Variants in FBXW10 observed in about 807,000 individuals in gnomAD.
The protein encoded by FBXW10 is F-box/WD repeat-containing protein 10.
In FBXW10, 68 loss-of-function variants were observed where a neutral mutation model predicts 113.1. That is an observed-to-expected ratio of 0.60 (90% CI 0.49 to 0.74). The LOEUF (loss-of-function observed/expected upper bound fraction) is 0.74. Ranked by LOEUF, FBXW10 falls within the 30% of genes least tolerant of loss-of-function variation. FBXW10 has a pLI of 0.00. For synonymous variants in FBXW10, 289 were observed against 481.6 expected, an observed-to-expected ratio of 0.60 and a Z score of 5.24; for missense variants, 753 against 1,284.5, an observed-to-expected ratio of 0.59 and a Z score of 6.32.
chr17:18,761,219 G>A (rs1351988624), intron 7 of FBXW10, among the ~76,000 whole-genome samples: 2 of 151,518 alleles, frequency 1.3e-5, no homozygotes, highest in Non-Finnish European at 2.9e-5. Flanking sequence ...TATGCATTTG[G>A]AGAATGTTTT....
intron 7 of FBXW10, among the ~76,000 whole-genome samples, chr17:18,759,906 C>T (rs1166210420): frequency 3.3e-5 from 5 of 152,186 alleles, no homozygotes; most frequent in South Asian, 2.1e-4. Flanking sequence ...TGAGCCACCG[C>T]GCCGGGCCCT....
intron 7 of FBXW10, among the ~76,000 whole-genome samples, chr17:18,759,988 G>A (rs2151808877): frequency 6.6e-6 from 1 of 152,296 alleles, no homozygotes; most frequent in East Asian, 1.9e-4. Flanking sequence ...TGGTGCCCAT[G>A]TGCACGAGTT....
rs765610933 is a variant in FBXW10, at chr17:18,749,807, C to T, written c.756C>T (p.Tyr252=). The part of the protein sequence containing the change: ...SGKGDITKPG[Y]DPCNLLVDLD... ...AAGGAGACATAACCAAGCCAGGGTA[C>T]GATCCCTGCAATCTATTGGTTGACC... Residue 252 remains tyrosine, a synonymous_variant, in exon 3 of 14, where the codon TAC becomes TAT. Coordinates refer to ENST00000395665, the MANE Select transcript of FBXW10 (RefSeq NM_001267585.2). The T allele has an allele frequency of 4.3e-6, 7 of 1,614,068 alleles. No homozygotes were observed. The Admixed American group carries it at 8.3e-5, about 19-fold the overall frequency.
At chr17:18,754,901 G>A (rs1035310473) in intron 5 of FBXW10, among the ~76,000 whole-genome samples, 1 of 152,180 alleles carries the variant, frequency 6.6e-6, no homozygotes, top group African/African-American at 2.4e-5. Context: ...CATTTTGTGG[G>A]GCAAGGGATC....
chr17:18,755,937 G>A (rs2035252169), intron 5 of FBXW10, 108 bp from the exon 6 acceptor site: 1 of 1,063,680 alleles, frequency 9.4e-7, no homozygotes, highest in African/African-American at 1.6e-5. Context: ...AGCCTTCAGA[G>A]GAAGAATCCG....
intron 1 of FBXW10, 57 bp from the exon 2 acceptor site, chr17:18,747,884 A>C: frequency 6.2e-7 from 1 of 1,612,372 alleles, no homozygotes; most frequent in Non-Finnish European, 8.5e-7. Context: ...TCTCCACCTC[A>C]TTTTCCTCAA....
At chr17:18,752,207 G>C (rs181176474) in intron 5 of FBXW10, among the ~76,000 whole-genome samples, 68 of 152,232 alleles carry the variant, frequency 4.5e-4, no homozygotes, top group Non-Finnish European at 2.4e-4. Context: ...CGGTGTGGCT[G>C]TCATGGACTG....
intron 11 of FBXW10, among the ~76,000 whole-genome samples, chr17:18,771,872 G>GCC: frequency 6.6e-6 from 1 of 152,138 alleles, no homozygotes; most frequent in South Asian, 2.1e-4. Flanking sequence ...ACTTTGGGAG[G>GCC]CCCAGGTGGG....
At chr17:18,757,171 A>G (rs1041686916) in intron 6 of FBXW10, among the ~76,000 whole-genome samples, 1 of 152,194 alleles carries the variant, frequency 6.6e-6, no homozygotes, top group Non-Finnish European at 1.5e-5. Flanking sequence ...TTAAAGAACA[A>G]TTATCACCAT....
intron 7 of FBXW10, 58 bp from the exon 8 acceptor site, chr17:18,764,684 C>T (rs1476394177): frequency 2.2e-5 from 36 of 1,613,192 alleles, no homozygotes; most frequent in Non-Finnish European, 2.9e-5. Flanking sequence ...GGGTTCTACG[C>T]AGTATGATCC....
At chr17:18,752,394 G>C (rs1286332214) in intron 5 of FBXW10, among the ~76,000 whole-genome samples, 1 of 152,140 alleles carries the variant, frequency 6.6e-6, no homozygotes, top group African/African-American at 2.4e-5. Flanking sequence ...TTTAAAAGCA[G>C]TTTTAAAAAC....
chr17:18,750,831 T>C, intron 4 of FBXW10, 100 bp from the exon 5 acceptor site: 1 of 1,389,538 alleles, frequency 7.2e-7, no homozygotes, highest in Non-Finnish European at 9.6e-7. Context: ...TCCTTCACAT[T>C]TTGCCAAGAA....
At chr17:18,764,951 A>C in intron 8 of FBXW10, 88 bp downstream of exon 8, 2 of 1,612,002 alleles carry the variant, frequency 1.2e-6, no homozygotes, top group Non-Finnish European at 1.7e-6. Flanking sequence ...TTCTATAGGC[A>C]GGCAGTCATT....
chr17:18,776,781 T>C (rs1317936468), intron 13 of FBXW10, among the ~76,000 whole-genome samples: 1 of 152,224 alleles, frequency 6.6e-6, no homozygotes, highest in African/African-American at 2.4e-5. Context: ...GGTCCGCATT[T>C]TCTTCTAGGT....
At chr17:18,763,222 T>C (rs1414022666) in intron 7 of FBXW10, among the ~76,000 whole-genome samples, 8 of 151,618 alleles carry the variant, frequency 5.3e-5, no homozygotes, top group African/African-American at 1.7e-4. Context: ...AGTGGCGCCA[T>C]CTCGGCTCAC....
At chr17:18,773,180 G>C (rs940711695) in intron 12 of FBXW10, among the ~76,000 whole-genome samples, 3 of 151,768 alleles carry the variant, frequency 2.0e-5, no homozygotes, top group African/African-American at 7.3e-5. Flanking sequence ...TGATCCTCCC[G>C]GCTTGGCTTC....
At chr17:18,758,639 G>T in intron 7 of FBXW10, 134 bp downstream of exon 7, 2 of 353,600 alleles carry the variant, frequency 5.7e-6, no homozygotes, top group African/African-American at 5.4e-5. Flanking sequence ...AATACCTTCA[G>T]CTTTTTTTTG....
At chr17:18,757,490 A>G (rs1186385504) in intron 6 of FBXW10, among the ~76,000 whole-genome samples, 1 of 152,198 alleles carries the variant, frequency 6.6e-6, no homozygotes, top group African/African-American at 2.4e-5. Flanking sequence ...CATTAATAAT[A>G]GTGTCCCCAG....
At chr17:18,745,795 A>G (rs2035029511) in intron 1 of FBXW10, among the ~76,000 whole-genome samples, 1 of 152,202 alleles carries the variant, frequency 6.6e-6, no homozygotes, top group Non-Finnish European at 1.5e-5. Context: ...TCACAGGCCT[A>G]GGGTGTTGGA....
Sources: allele counts gnomAD v4.1 joint callset (sites outside exome capture counted in the v4.1 genomes callset), GRCh38; gene constraint gnomAD v4.1.1; transcripts MANE v1.5; gene names NCBI Gene and HGNC (gene_info 2026-07-23, HGNC 2026-07-21).